The following SGCZ variants were observed in gnomAD, a reference collection of about 807,000 sequenced individuals.
SGCZ encodes sarcoglycan zeta, also known as zeta-sarcoglycan.
In SGCZ, 40 loss-of-function variants were observed where a neutral mutation model predicts 41.3. The ratio of observed to expected loss-of-function variants is 0.97; its 90% CI spans 0.75 to 1.26. The LOEUF is 1.26. SGCZ is among the 50% of genes most tolerant of loss of function. The pLI is 0.00. For missense variants in SGCZ, 552 were observed against 369.8 expected, an observed-to-expected ratio of 1.49 and a Z score of -4.04; for synonymous variants, 206 against 137.5, an observed-to-expected ratio of 1.50 and a Z score of -3.49.
At chr8:14,316,624 T>A (rs1285104393) in intron 3 of SGCZ, among the ~76,000 whole-genome samples, 1 of 152,006 alleles carries the variant, frequency 6.6e-6, no homozygotes, top group Non-Finnish European at 1.5e-5. Context: ...CTTCTCTCTT[T>A]CCAGGATATC....
intron 2 of SGCZ, among the ~76,000 whole-genome samples, chr8:14,390,283 T>C (rs58443298): frequency 0.045 from 6,779 of 151,924 alleles, 487 homozygotes; most frequent in African/African-American, 0.15. Context: ...TTAAAATTTG[T>C]TTCTAATAAA....
intron 2 of SGCZ, among the ~76,000 whole-genome samples, chr8:14,455,470 A>T (rs1323574433): frequency 2.3e-5 from 3 of 132,470 alleles, no homozygotes; most frequent in African/African-American, 1.3e-4. Context: ...ACACACACAC[A>T]CACACACACA....
At chr8:14,389,468 C>A (rs982881977) in intron 2 of SGCZ, among the ~76,000 whole-genome samples, 1 of 147,018 alleles carries the variant, frequency 6.8e-6, no homozygotes, top group African/African-American at 2.6e-5. Flanking sequence ...CACAAACTAA[C>A]CTGACAGGAA....
intron 5 of SGCZ, among the ~76,000 whole-genome samples, chr8:14,132,909 A>C (rs1803085177): frequency 6.6e-6 from 1 of 152,152 alleles, no homozygotes. Flanking sequence ...TTTTTTCTAA[A>C]GACTGAAATT....
intron 1 of SGCZ, among the ~76,000 whole-genome samples, chr8:15,037,334 A>C (rs550493184): frequency 6.6e-6 from 1 of 152,146 alleles, no homozygotes; most frequent in South Asian, 2.1e-4. Context: ...TCCTGTCACC[A>C]TGTGACGAAG....
At chr8:15,183,899 A>C (rs1173189808) in intron 1 of SGCZ, among the ~76,000 whole-genome samples, 3 of 152,198 alleles carry the variant, frequency 2.0e-5, no homozygotes, top group Non-Finnish European at 4.4e-5. Flanking sequence ...ATTTTAAGGG[A>C]TCAAGTGTAA....
intron 1 of SGCZ, among the ~76,000 whole-genome samples, chr8:15,189,255 C>T (rs1195111294): frequency 6.6e-6 from 1 of 151,538 alleles, no homozygotes; most frequent in Non-Finnish European, 1.5e-5. Context: ...GTAAAGAGAA[C>T]TAAGAGCAAA....
chr8:14,237,419 T>C lies in SGCZ; in HGVS notation c.424+173A>G, dbSNP rs1806801671. Among the ~76,000 whole-genome samples, 3 of 152,014 alleles carry C rather than the reference T, an allele frequency of 2.0e-5. No individual in the cohort carries two copies. In the South Asian group the frequency reaches 6.2e-4, roughly 31 times the overall value. On this transcript the variant is annotated intron_variant, in intron 4 of 7. Coordinates refer to ENST00000382080, the MANE Select transcript of SGCZ (RefSeq NM_139167.4). ...AGATGACCCCGATTGCTTGACCTCG[T>C]GATCTGCCCGCCTCAGCCTCCCAAA... is the stretch of plus-strand genomic sequence containing the variant.
chr8:14,658,649 C>T (rs531602354), intron 1 of SGCZ, among the ~76,000 whole-genome samples: 1 of 152,080 alleles, frequency 6.6e-6, no homozygotes, highest in African/African-American at 2.4e-5. Flanking sequence ...ATCCTTTTGC[C>T]TGAAGTCTTT....
chr8:15,088,915 T>G (rs1291704934), intron 1 of SGCZ, among the ~76,000 whole-genome samples: 1 of 152,210 alleles, frequency 6.6e-6, no homozygotes, highest in East Asian at 1.9e-4. Context: ...GAGCCAGTAT[T>G]TTAAATTTCT....
intron 2 of SGCZ, among the ~76,000 whole-genome samples, chr8:14,451,665 T>C (rs2116927844): frequency 6.6e-6 from 1 of 152,336 alleles, no homozygotes; most frequent in South Asian, 2.1e-4. Context: ...AACAACCTGA[T>C]TTTAAAAATG....
intron 1 of SGCZ, among the ~76,000 whole-genome samples, chr8:14,608,969 C>A (rs1213146167): frequency 1.3e-5 from 2 of 152,006 alleles, no homozygotes; most frequent in Non-Finnish European, 2.9e-5. Flanking sequence ...CGAAAAAAAC[C>A]AGAATAATTA....
chr8:14,384,344 A>G (rs1804488887), intron 2 of SGCZ, among the ~76,000 whole-genome samples: 1 of 152,108 alleles, frequency 6.6e-6, no homozygotes. Flanking sequence ...ACTGCTCACA[A>G]TAGCAAAGAT....
At chr8:14,325,839 G>A (rs1310010201) in intron 2 of SGCZ, among the ~76,000 whole-genome samples, 6 of 144,292 alleles carry the variant, frequency 4.2e-5, no homozygotes, top group Admixed American at 2.8e-4. Context: ...GGCCCGGCGC[G>A]GTGGCTCATG....
At chr8:15,121,900 C>CG (rs770382308) in intron 1 of SGCZ, among the ~76,000 whole-genome samples, 1 of 126,316 alleles carries the variant, frequency 7.9e-6, no homozygotes, top group East Asian at 2.2e-4. Context: ...CGGCAGTTAC[C>CG]AAAAAAAAAA....
At chr8:15,076,103 C>G (rs536828854) in intron 1 of SGCZ, among the ~76,000 whole-genome samples, 39 of 152,154 alleles carry the variant, frequency 2.6e-4, no homozygotes, top group Middle Eastern at 3.4e-3. Context: ...TTTCCTTCCT[C>G]ACATCTATGA....
At chr8:14,895,643 A>T (rs1805169138) in intron 1 of SGCZ, among the ~76,000 whole-genome samples, 2 of 152,166 alleles carry the variant, frequency 1.3e-5, no homozygotes, top group Non-Finnish European at 2.9e-5. Flanking sequence ...AAGCCAAGGG[A>T]CTTGCTTAAT....
intron 2 of SGCZ, among the ~76,000 whole-genome samples, chr8:14,442,371 C>A (rs1288554358): frequency 2.0e-5 from 3 of 152,300 alleles, no homozygotes; most frequent in Non-Finnish European, 4.4e-5. Context: ...CTTTGCTCCT[C>A]CTTTACCTTC....
rs34383864 is a variant in SGCZ, at chr8:15,216,223, C to CTTT, written c.39+21359_39+21361dup. Among the ~76,000 whole-genome samples, 100 of 125,890 alleles carry CTTT rather than the reference C, an allele frequency of 7.9e-4. 2 individuals carry two copies. The highest frequency in any genetic ancestry group is 5.9e-3 in the South Asian group (24 of 4,066). The allele number at this position is 125,890 out of a possible 152,430, so 82.6% of individuals were successfully genotyped here. A position where few individuals can be genotyped will look rare whatever the true frequency, so the allele number is the denominator to read the frequency against. ...TCATTTTAGCTTATTCTTTTTTTTTCTTTTTTTTTTTTTTTTGAGACGGTG... is the reference window on the plus strand; with the variant it reads ...TCATTTTAGCTTATTCTTTTTTTTTCTTTTTTTTTTTTTTTTTTTGAGACGGTG... On this transcript the variant is annotated intron_variant, in intron 1 of 7. Coordinates refer to ENST00000382080, the MANE Select transcript of SGCZ (RefSeq NM_139167.4).
Sources: gnomAD v4.1 joint callset for allele counts (sites outside exome capture counted in the v4.1 genomes callset) on GRCh38, gnomAD v4.1.1 for gene constraint, MANE v1.5 for transcripts, NCBI Gene and HGNC (gene_info 2026-07-23, HGNC 2026-07-21) for gene names.